The following RHOD variants were observed in gnomAD, a reference collection of about 807,000 sequenced individuals.
RHOD encodes rho-related GTP-binding protein RhoD.
In RHOD, 11 loss-of-function variants were observed where a neutral mutation model predicts 16.7. The ratio of observed to expected loss-of-function variants is 0.66; its 90% CI spans 0.41 to 1.09. The LOEUF is 1.09. RHOD is among the 50% of genes least tolerant of loss of function. The pLI, the probability that RHOD is intolerant of heterozygous loss-of-function variation, is 0.00. For missense variants in RHOD, 271 were observed against 291.7 expected, an observed-to-expected ratio of 0.93 and a Z score of 0.52; for synonymous variants, 124 against 126.3, an observed-to-expected ratio of 0.98 and a Z score of 0.12.
intron 3 of RHOD, among the ~76,000 whole-genome samples, chr11:67,068,422 G>A (rs1043293554): frequency 1.3e-5 from 2 of 152,166 alleles, no homozygotes; most frequent in African/African-American, 4.8e-5. Flanking sequence ...AGCCAGGAGA[G>A]TGGGGTCCTG....
At chr11:67,068,306 C>G (rs565522920) in intron 3 of RHOD, among the ~76,000 whole-genome samples, 17 of 152,274 alleles carry the variant, frequency 1.1e-4, no homozygotes, top group African/African-American at 3.8e-4. Context: ...GCAGTAAAGC[C>G]TGGGGGAGGC....
chr11:67,067,338 C>T (rs1854971060), intron 3 of RHOD, among the ~76,000 whole-genome samples: 1 of 152,198 alleles, frequency 6.6e-6, no homozygotes. Flanking sequence ...CCCTCACCCA[C>T]TGCTGCCAGG....
At chr11:67,065,616 A>G (rs181467064) in intron 1 of RHOD, among the ~76,000 whole-genome samples, 16 of 152,070 alleles carry the variant, frequency 1.1e-4, no homozygotes, top group African/African-American at 2.4e-4. Context: ...GCCCACCTCA[A>G]CGTCCCAAAG....
chr11:67,064,738 G>GA (rs1854937669), intron 1 of RHOD, among the ~76,000 whole-genome samples: 1 of 152,110 alleles, frequency 6.6e-6, no homozygotes, highest in South Asian at 2.1e-4. Flanking sequence ...AGGAAGGGGG[G>GA]ACAACATGAA....
chr11:67,066,745 T>A lies in RHOD; in HGVS notation c.228T>A (p.Asp76Glu), dbSNP rs542400383. The change falls in exon 3 of 5, where the codon GAT (aspartate) becomes GAA (glutamate). Residue 76 changes from aspartate (D) to glutamate (E), a missense_variant. Coordinates refer to ENST00000308831, the MANE Select transcript of RHOD (RefSeq NM_014578.4). ...HLHIWDTAGQ[D>E]DYDRLRPLFY... ...CACCTCCACTCTGCCCAGGGCAAGA[T>A]GACTATGACCGCCTGCGGCCCCTGT... 1.7e-5 allele frequency: 27 copies of A among 1,611,320 alleles called. No individual in the cohort carries two copies. In the East Asian group the frequency reaches 2.2e-4, roughly 13 times the overall value.
At chr11:67,062,313 C>A (rs1854902752) in intron 1 of RHOD, among the ~76,000 whole-genome samples, 2 of 152,164 alleles carry the variant, frequency 1.3e-5, no homozygotes, top group African/African-American at 4.8e-5. Context: ...GTCCTAAGGA[C>A]ACATAGCAGG....
chr11:67,071,653 T>TGCTGAGCTG lies in RHOD; in HGVS notation c.*56_*64dup. On this transcript the variant is annotated 3_prime_UTR_variant, in exon 5 of 5. Coordinates refer to ENST00000308831, the MANE Select transcript of RHOD (RefSeq NM_014578.4). ...GGGAAGGGGCAGGGCGCTGACCTGC[T>TGCTGAGCTG]GCTGAGCTGGCTGGGCTGGACCCGG... 6.7e-7 allele frequency: 1 copy of TGCTGAGCTG among 1,493,958 alleles called. No homozygotes were observed. Among genetic ancestry groups the TGCTGAGCTG allele is most frequent in the African/African-American group, 1.4e-5 (1 of 71,948 alleles). 92.5% of individuals were successfully genotyped at this position (1,493,958 alleles called of 1,614,324 possible).
chr11:67,066,625 A>G (rs1487994015), intron 2 of RHOD, 113 bp from the exon 3 acceptor site: 3 of 766,212 alleles, frequency 3.9e-6, no homozygotes, highest in Admixed American at 2.0e-5. Context: ...GAGGCAAAAA[A>G]CTAGGCCCTG....
Position 67,066,723 on chromosome 11 carries a change from C to A in RHOD, c.221-15C>A. On this transcript the variant is annotated splice_polypyrimidine_tract_variant and intron_variant, in intron 2 of 4. Coordinates refer to ENST00000308831, the MANE Select transcript of RHOD (RefSeq NM_014578.4). The stretch of plus-strand genomic sequence containing the variant: ...CAGGAGCCCTGAAGGCAGTGACCAC[C>A]TCCACTCTGCCCAGGGCAAGATGAC... 6.5e-7 allele frequency: 1 copy of A among 1,546,912 alleles called. No homozygotes were observed. Among genetic ancestry groups the A allele is most frequent in the Middle Eastern group, 1.7e-4 (1 of 5,940 alleles).
At chr11:67,058,875 A>G (rs2136244505) in intron 1 of RHOD, among the ~76,000 whole-genome samples, 1 of 152,140 alleles carries the variant, frequency 6.6e-6, no homozygotes, top group South Asian at 2.1e-4. Flanking sequence ...TGGGGGAAAC[A>G]TGTTTCTGGG....
At chr11:67,068,539 C>T (rs1369074388) in intron 3 of RHOD, among the ~76,000 whole-genome samples, 2 of 152,006 alleles carry the variant, frequency 1.3e-5, no homozygotes, top group African/African-American at 2.4e-5. Context: ...TGGCCGGGTG[C>T]GGTAGCTCAC....
chr11:67,070,377 C>A, intron 3 of RHOD, 48 bp from the exon 4 acceptor site: 1 of 1,604,678 alleles, frequency 6.2e-7, no homozygotes, highest in Non-Finnish European at 8.5e-7. Flanking sequence ...GGCCAGAACT[C>A]TCCAGGGCTC....
intron 3 of RHOD, 103 bp downstream of exon 3, chr11:67,066,950 A>C: frequency 1.3e-6 from 1 of 793,404 alleles, no homozygotes; most frequent in Non-Finnish European, 2.3e-6. Context: ...CAGGCCCAAA[A>C]TGATATTGAT....
chr11:67,061,492 C>T (rs1355526117), intron 1 of RHOD, among the ~76,000 whole-genome samples: 8 of 151,994 alleles, frequency 5.3e-5, no homozygotes, highest in Non-Finnish European at 8.8e-5. Flanking sequence ...ATTAGCCGGG[C>T]GTGGTGGCAC....
At chr11:67,065,034 A>G (rs984867826) in intron 1 of RHOD, among the ~76,000 whole-genome samples, 3 of 151,878 alleles carry the variant, frequency 2.0e-5, no homozygotes, top group Middle Eastern at 3.4e-3. Context: ...AGGGCTCCGC[A>G]TGGAATATCT....
rs1362769423 is a variant in RHOD, at chr11:67,067,961, G to A, written c.330+1114G>A. ...ACTACAGGCGCCCGCCACCACGCCC[G>A]GCTAATTTTTTGTATTTTTAGTAGA... On this transcript the variant is annotated intron_variant, in intron 3 of 4. Transcript: ENST00000308831. 9.9e-5 allele frequency among the ~76,000 whole-genome samples: 15 copies of A among 151,842 alleles called. 1 individual carries two copies. The highest frequency in any genetic ancestry group is 7.2e-4 in the Admixed American group (11 of 15,222).
intron 3 of RHOD, 102 bp from the exon 4 acceptor site, chr11:67,070,323 T>C (rs756513723): frequency 1.6e-6 from 2 of 1,252,308 alleles, no homozygotes; most frequent in Admixed American, 1.8e-5. Flanking sequence ...TGATTATCCA[T>C]ATCAGAGCTC....
intron 1 of RHOD, among the ~76,000 whole-genome samples, chr11:67,057,672 C>G (rs1359752129): frequency 6.6e-6 from 1 of 152,342 alleles, no homozygotes; most frequent in Non-Finnish European, 1.5e-5. Flanking sequence ...GCTGCTGGGC[C>G]CGCGTCTCTG....
chr11:67,060,396 C>T (rs1185036790), intron 1 of RHOD, among the ~76,000 whole-genome samples: 1 of 152,238 alleles, frequency 6.6e-6, no homozygotes, highest in Admixed American at 6.5e-5. Flanking sequence ...CCATTGATCC[C>T]ATGGACAGAG....
Sources: allele counts gnomAD v4.1 joint callset (sites outside exome capture counted in the v4.1 genomes callset), GRCh38; gene constraint gnomAD v4.1.1; transcripts MANE v1.5; gene names NCBI Gene and HGNC (gene_info 2026-07-23, HGNC 2026-07-21).